Variants in TICRR observed in about 807,000 individuals in gnomAD.
TICRR encodes treslin.
In TICRR, 132 loss-of-function variants were observed where a neutral mutation model predicts 178.1. The observed-to-expected ratio is 0.74, with a 90% CI of 0.64 to 0.86. The LOEUF (loss-of-function observed/expected upper bound fraction) is 0.86. TICRR is among the 40% of genes least tolerant of loss of function. The pLI is 0.00. For synonymous variants in TICRR, 991 were observed against 900.7 expected (o/e 1.10, Z -1.79); for missense variants, 2,587 against 2,334.3 (o/e 1.11, Z -2.23).
At chr15:89,600,384 C>A (rs956913190) in intron 8 of TICRR, among the ~76,000 whole-genome samples, 14 of 152,270 alleles carry the variant, frequency 9.2e-5, no homozygotes, top group African/African-American at 2.9e-4. Context: ...CTTGTTTTAT[C>A]CATGCCCACT....
chr15:89,618,043 T>C, intron 16 of TICRR, 109 bp from the exon 17 acceptor site: 1 of 1,143,988 alleles, frequency 8.7e-7, no homozygotes, highest in East Asian at 2.4e-5. Flanking sequence ...ACTGGTGTTA[T>C]CAGACCCTGT....
In TICRR at chr15:89,625,600, T is replaced by C; in HGVS notation, c.5290T>C (p.Ser1764Pro). 1 of 1,613,146 alleles carries C rather than the reference T, an allele frequency of 6.2e-7. No homozygotes were observed. The highest frequency in any genetic ancestry group is 8.5e-7 in the Non-Finnish European group (1 of 1,180,002). ...NSMPKAEEASSWGQFGLSSRK... is the reference protein window; with the variant it reads ...NSMPKAEEASPWGQFGLSSRK... Reference sequence around the variant, plus strand: ...CATGCCTAAGGCCGAGGAAGCCTCTTCCTGGGGACAGTTTGGGTTGAGTTC... The same window carrying C: ...CATGCCTAAGGCCGAGGAAGCCTCTCCCTGGGGACAGTTTGGGTTGAGTTC... Residue 1764 changes from serine to proline, a missense_variant, in exon 20 of 22, where the codon TCC (serine) becomes CCC (proline). Transcript: ENST00000268138.
intron 7 of TICRR, 96 bp downstream of exon 7, chr15:89,595,707 C>G (rs980530118): frequency 2.5e-6 from 2 of 805,962 alleles, no homozygotes; most frequent in Admixed American, 5.2e-5. Context: ...CTGCTACATG[C>G]ACAAAAAGGT....
chr15:89,582,012 C>A (rs962533978), intron 1 of TICRR, among the ~76,000 whole-genome samples: 2 of 152,178 alleles, frequency 1.3e-5, no homozygotes, highest in South Asian at 4.1e-4. Context: ...TTGTGTTGTG[C>A]TGTATAGGAC....
rs752692194 is a variant in TICRR at position 89,624,813 on chromosome 15, G to A, written c.4503G>A (p.Leu1501=). The A allele has an allele frequency of 1.9e-6, 3 of 1,614,186 alleles. No individual in the cohort carries two copies. In the Admixed American group the frequency reaches 5.0e-5, roughly 27 times the overall value. The change falls in exon 20 of 22, where the codon CTG becomes CTA. Residue 1501 remains leucine (L), a synonymous_variant. Transcript: ENST00000268138. ...LRTADAEKSS[L]SHPGIPPSPP... ...CAGCAGATGCTGAGAAGTCTTCTCTGTCTCACCCTGGGATTCCCCCATCTC... is the reference window on the plus strand; with the variant it reads ...CAGCAGATGCTGAGAAGTCTTCTCTATCTCACCCTGGGATTCCCCCATCTC...
At position 89,576,028 on chromosome 15, in the gene TICRR, G is replaced by C. The variant is rs745337713; in HGVS notation, c.442G>C (p.Gly148Arg). The part of the protein sequence containing the change: ...SEAKEAEAAL[G>R]GLVNAVFLLA... ...GGCCAAGGAGGCCGAGGCCGCGCTC[G>C]GGGGCTTGGTGAACGCCGTCTTCCT... Residue 148 changes from glycine (G) to arginine (R), a missense_variant, in exon 1 of 22, where the codon GGG (glycine) becomes CGG (arginine). Physicochemically the swap from Gly to Arg is moderately radical, Grantham distance 125. Transcript: ENST00000268138. 1 of 1,609,608 alleles carries C rather than the reference G, an allele frequency of 6.2e-7. No individual in the cohort carries two copies. The highest frequency in any genetic ancestry group is 2.2e-5 in the East Asian group (1 of 44,764).
chr15:89,615,481 A>T (rs945057852), intron 15 of TICRR, among the ~76,000 whole-genome samples: 2 of 152,160 alleles, frequency 1.3e-5, no homozygotes, highest in African/African-American at 2.4e-5. Context: ...AGATTCAACC[A>T]TTTTTCTTGA....
At chr15:89,609,013 A>G (rs549172047) in intron 15 of TICRR, 64 bp downstream of exon 15, 2 of 1,429,714 alleles carry the variant, frequency 1.4e-6, no homozygotes, top group South Asian at 1.4e-5. Flanking sequence ...GTAGTAATGT[A>G]CCGTCTTTCT....
intron 13 of TICRR, among the ~76,000 whole-genome samples, chr15:89,603,466 G>C (rs1963128553): frequency 6.6e-6 from 1 of 152,102 alleles, no homozygotes. Context: ...ATGCCTGTAG[G>C]CCCAGCTATT....
chr15:89,608,824 A>G lies in TICRR; in HGVS notation c.2744A>G (p.Asn915Ser), dbSNP rs767151078. The G allele has an allele frequency of 6.2e-7, 1 of 1,601,598 alleles. No homozygotes were observed. The highest frequency in any genetic ancestry group is 8.5e-7 in the Non-Finnish European group (1 of 1,175,998). The change falls in exon 15 of 22, where the codon AAT (asparagine) becomes AGT (serine). Residue 915 changes from asparagine (N) to serine (S), a missense_variant. Physicochemically the swap from Asn to Ser is conservative, Grantham distance 46 (BLOSUM62 1). Coordinates refer to ENST00000268138, the MANE Select transcript of TICRR (RefSeq NM_152259.4). ...TCAGAAGTGACCAAAGTTCGAAGAAATCTTTTCAACCAGGAATTGCTTTCC... is the reference window on the plus strand; with the variant it reads ...TCAGAAGTGACCAAAGTTCGAAGAAGTCTTTTCAACCAGGAATTGCTTTCC... ...TVQEVTKVRR[N>S]LFNQELLSPS...
rs144798110 is a variant in TICRR at position 89,624,940 on chromosome 15, C to T, written c.4630C>T (p.Pro1544Ser). ...CQASAQLDNL[P>S]ASAWHSTDSA... is the part of the protein sequence containing the mutation. ...GGCTTCGGCACAACTAGACAACCTGCCAGCATCAGCTTGGCATTCCACAGA... is the reference window on the plus strand; with the variant it reads ...GGCTTCGGCACAACTAGACAACCTGTCAGCATCAGCTTGGCATTCCACAGA... Residue 1544 changes from proline to serine, a missense_variant, in exon 20 of 22, where the codon CCA (proline) becomes TCA (serine). Pro to Ser is a moderately conservative substitution (Grantham distance 74). Transcript: ENST00000268138. The T allele has an allele frequency of 1.6e-3, 2,502 of 1,614,138 alleles. 3 individuals are homozygous for T. The highest frequency in any genetic ancestry group is 1.8e-3 in the Non-Finnish European group (2,120 of 1,180,032).
At chr15:89,610,423 T>G (rs915491683) in intron 15 of TICRR, among the ~76,000 whole-genome samples, 3 of 152,234 alleles carry the variant, frequency 2.0e-5, no homozygotes, top group African/African-American at 7.2e-5. Context: ...TTATTATGTC[T>G]TCTTGATCAA....
rs1307617394 is a variant in TICRR, at chr15:89,592,871, C to A, written c.1541+695C>A. On this transcript the variant is annotated intron_variant, in intron 5 of 21. Transcript: ENST00000268138. ...CCAACACCATTTGCTAAAAGACTAT[C>A]TTTTCCCACTAATAACTGTGGTACC... Among the ~76,000 whole-genome samples, 6 of 152,212 alleles carry A rather than the reference C, an allele frequency of 3.9e-5. 1 individual carries two copies. Among genetic ancestry groups the A allele is most frequent in the Admixed American group, 3.3e-4 (5 of 15,286 alleles).
In TICRR at chr15:89,595,575, G is replaced by A; in HGVS notation, c.1864G>A (p.Asp622Asn). 6.2e-7 allele frequency: 1 copy of A among 1,614,130 alleles called. No homozygotes were observed. The change falls in exon 7 of 22, where the codon GAC becomes AAC. Residue 622 changes from aspartate (D) to asparagine (N), a missense_variant. By Grantham distance (23) the Asp-to-Asn change is conservative. Transcript: ENST00000268138. ...PSGRTVDKLE[D>N]RGRTLRSSKP... ...TGGGAGAACAGTGGATAAATTGGAA[G>A]ACAGAGGAAGAACACTAAGAAGTTC...
Position 89,625,512 on chromosome 15 carries a change from C to G in TICRR, c.5202C>G (p.Ile1734Met), listed in dbSNP as rs758424495. 2.7e-5 allele frequency: 43 copies of G among 1,613,780 alleles called. No homozygotes were observed. Among genetic ancestry groups the G allele is most frequent in the East Asian group, 4.5e-5 (2 of 44,850 alleles). The change falls in exon 20 of 22, where the codon ATC (isoleucine) becomes ATG (methionine). Residue 1734 changes from isoleucine (I) to methionine (M), a missense_variant. By Grantham distance (10) the Ile-to-Met change is conservative (BLOSUM62 1). Coordinates refer to ENST00000268138, the MANE Select transcript of TICRR (RefSeq NM_152259.4). ...GLELSIHRTPILEDFELEGVC... is the reference protein window; with the variant it reads ...GLELSIHRTPMLEDFELEGVC... ...AACTCAGCATCCACAGGACGCCCAT[C>G]TTGGAGGATTTTGAGCTCGAGGGAG...
At position 89,576,333 on chromosome 15, in the gene TICRR, G is replaced by C. The variant is rs945088926; in HGVS notation, c.654+93G>C. 6 of 1,186,564 alleles carry C rather than the reference G, an allele frequency of 5.1e-6. No individual in the cohort carries two copies. In the African/African-American group the frequency reaches 9.3e-5, roughly 18 times the overall value. The allele number at this position is 1,186,564 out of a possible 1,614,324, so 73.5% of individuals were successfully genotyped here. A position where few individuals can be genotyped will look rare whatever the true frequency, so the allele number is the denominator to read the frequency against. The stretch of plus-strand genomic sequence containing the variant: ...CGTCCTTAGAACAGCCACAGACCCC[G>C]AATGAGACTAATATGACTATGCGTC... On this transcript the variant is annotated intron_variant, in intron 1 of 21. Transcript: ENST00000268138.
rs759372898 is a variant in TICRR, at chr15:89,595,372, C to G, written c.1682-21C>G. The G allele has an allele frequency of 4.4e-6, 7 of 1,583,768 alleles. No individual in the cohort carries two copies. The African/African-American group carries it at 5.4e-5, about 12-fold the overall frequency. On this transcript the variant is annotated intron_variant, in intron 6 of 21. Coordinates refer to ENST00000268138, the MANE Select transcript of TICRR (RefSeq NM_152259.4). ...AAGTGGAAGGCAATTTACTTTCCCT[C>G]CTCTGATGTTGTTTTGGTAGGAGGG...
At chr15:89,620,914 A>G (rs187903638) in intron 18 of TICRR, among the ~76,000 whole-genome samples, 61 of 149,910 alleles carry the variant, frequency 4.1e-4, no homozygotes, top group East Asian at 7.9e-4. Flanking sequence ...TAGTAGAGAC[A>G]GGTTTCACTG....
chr15:89,583,869 T>C (rs1031601627), intron 2 of TICRR, among the ~76,000 whole-genome samples: 2 of 152,108 alleles, frequency 1.3e-5, no homozygotes, highest in African/African-American at 4.8e-5. Flanking sequence ...GTATTTTTTG[T>C]AGAGATGGGG....
Sources: allele counts gnomAD v4.1 joint callset (sites outside exome capture counted in the v4.1 genomes callset), GRCh38; gene constraint gnomAD v4.1.1; transcripts MANE v1.5; gene names NCBI Gene and HGNC (gene_info 2026-07-23, HGNC 2026-07-21).